Variants in HEMK2 observed in about 807,000 individuals in gnomAD.
HEMK2 encodes the protein HemK methyltransferase 2, ETF1 glutamine and histone H4 lysine.
At chr21:28,660,332 A>T in the HEMK2 span, among the ~76,000 whole-genome samples, 1 of 151,816 alleles carries the variant, frequency 6.6e-6, no homozygotes, top group Admixed American at 6.6e-5. Flanking sequence ...CATGTTGAAC[A>T]GTAAATTGGG....
chr21:28,843,162 A>T, the HEMK2 span, among the ~76,000 whole-genome samples: 3 of 152,272 alleles, frequency 2.0e-5, no homozygotes, highest in Middle Eastern at 3.4e-3. Context: ...CGCGTTTTGT[A>T]AAGACAAATT....
the HEMK2 span, among the ~76,000 whole-genome samples, chr21:28,800,252 G>A: frequency 1.1e-4 from 17 of 152,188 alleles, no homozygotes; most frequent in East Asian, 3.9e-4. Flanking sequence ...TCATGCTGAC[G>A]TACATGTGAA....
the HEMK2 span, among the ~76,000 whole-genome samples, chr21:28,638,528 A>G: frequency 6.6e-6 from 1 of 152,298 alleles, no homozygotes; most frequent in Non-Finnish European, 1.5e-5. Flanking sequence ...AGGAGAGGAC[A>G]TGTCTGATTT....
chr21:28,694,858 CG>C, the HEMK2 span, among the ~76,000 whole-genome samples: 1 of 151,990 alleles, frequency 6.6e-6, no homozygotes, highest in Non-Finnish European at 1.5e-5. Flanking sequence ...ATTAGCCGGG[CG>C]TGGTGGCGGG....
At chr21:28,583,256 A>G in the HEMK2 span, among the ~76,000 whole-genome samples, 1 of 152,238 alleles carries the variant, frequency 6.6e-6, no homozygotes, top group Non-Finnish European at 1.5e-5. Context: ...GCATTACTAC[A>G]TGATTCAATT....
At chr21:28,856,003 T>C in the HEMK2 span, among the ~76,000 whole-genome samples, 1 of 152,162 alleles carries the variant, frequency 6.6e-6, no homozygotes, top group Non-Finnish European at 1.5e-5. Flanking sequence ...AAAAATAATA[T>C]GTTTTTTAAA....
At chr21:28,754,068 C>A in the HEMK2 span, among the ~76,000 whole-genome samples, 1 of 152,216 alleles carries the variant, frequency 6.6e-6, no homozygotes, top group Non-Finnish European at 1.5e-5. Flanking sequence ...TTCATTTCTA[C>A]AAATCTCATA....
At chr21:28,638,984 G>A in the HEMK2 span, among the ~76,000 whole-genome samples, 1 of 152,170 alleles carries the variant, frequency 6.6e-6, no homozygotes, top group Non-Finnish European at 1.5e-5. Flanking sequence ...GAGGTGTAGT[G>A]GAGAGGAATG....
At chr21:28,658,837 A>T in the HEMK2 span, among the ~76,000 whole-genome samples, 1 of 152,052 alleles carries the variant, frequency 6.6e-6, no homozygotes, top group African/African-American at 2.4e-5. Context: ...GTAGCACTTT[A>T]CGTTAATTGC....
the HEMK2 span, among the ~76,000 whole-genome samples, chr21:28,806,344 A>G: frequency 6.6e-6 from 1 of 152,224 alleles, no homozygotes; most frequent in African/African-American, 2.4e-5. Flanking sequence ...TGCCATATGT[A>G]ACATGACTGT....
chr21:28,637,165 G>A, the HEMK2 span, among the ~76,000 whole-genome samples: 1 of 152,084 alleles, frequency 6.6e-6, no homozygotes, highest in Admixed American at 6.6e-5. Flanking sequence ...TCTGTACATA[G>A]ACTGACTCAG....
the HEMK2 span, among the ~76,000 whole-genome samples, chr21:28,781,314 TC>T: frequency 6.6e-6 from 1 of 152,240 alleles, no homozygotes; most frequent in Non-Finnish European, 1.5e-5. Context: ...TTAGAGGCTT[TC>T]AACCTGTTCA....
chr21:28,764,820 T>C, the HEMK2 span, among the ~76,000 whole-genome samples: 1 of 152,282 alleles, frequency 6.6e-6, no homozygotes, highest in East Asian at 1.9e-4. Flanking sequence ...CAGCAAATCA[T>C]AAATGTATAA....
At chr21:28,613,089 T>C in the HEMK2 span, among the ~76,000 whole-genome samples, 5 of 150,474 alleles carry the variant, frequency 3.3e-5, no homozygotes, top group East Asian at 9.8e-4. Flanking sequence ...GATAGATAGA[T>C]AGATAGAAAG....
At chr21:28,741,745 C>T in the HEMK2 span, among the ~76,000 whole-genome samples, 199 of 152,252 alleles carry the variant, frequency 1.3e-3, no homozygotes, top group Middle Eastern at 6.8e-3. Flanking sequence ...TTCCTTTTTA[C>T]GGCAGCATAG....
At chr21:28,659,859 T>C in the HEMK2 span, among the ~76,000 whole-genome samples, 1 of 152,094 alleles carries the variant, frequency 6.6e-6, no homozygotes, top group African/African-American at 2.4e-5. Context: ...TACACATACA[T>C]ATGTGCAAGC....
chr21:28,778,066 T>C, the HEMK2 span, among the ~76,000 whole-genome samples: 1 of 152,224 alleles, frequency 6.6e-6, no homozygotes, highest in Non-Finnish European at 1.5e-5. Flanking sequence ...AACATGATGT[T>C]GTGAAATTTG....
the HEMK2 span, among the ~76,000 whole-genome samples, chr21:28,614,096 C>G: frequency 6.6e-6 from 1 of 152,334 alleles, no homozygotes; most frequent in African/African-American, 2.4e-5. Context: ...ATTCCTTTCC[C>G]TCTCTTTTCC....
At chr21:28,828,127 C>T in the HEMK2 span, among the ~76,000 whole-genome samples, 1 of 152,094 alleles carries the variant, frequency 6.6e-6, no homozygotes, top group South Asian at 2.1e-4. Context: ...CATACATTTT[C>T]TTATCTATTT....
Sources: allele counts gnomAD v4.1 joint callset (sites outside exome capture counted in the v4.1 genomes callset), GRCh38; gene constraint gnomAD v4.1.1; transcripts MANE v1.5; gene names NCBI Gene and HGNC (gene_info 2026-07-23, HGNC 2026-07-21).